The following TMEM145 variants were observed in gnomAD, a reference collection of about 807,000 sequenced individuals.
TMEM145 encodes the protein transmembrane protein 145.
In TMEM145, 46 loss-of-function variants were observed where a neutral mutation model predicts 68.5. That is an observed-to-expected ratio of 0.67 (90% CI 0.53 to 0.86). The LOEUF is 0.86. Among genes scored for constraint, TMEM145 ranks in the 40% least tolerant of loss-of-function variants. The probability of loss-of-function intolerance (pLI) is 0.00; values close to 1 mark genes in which losing one functional copy is unlikely to be tolerated. For synonymous variants in TMEM145, 255 were observed against 280.2 expected, an observed-to-expected ratio of 0.91 and a Z score of 0.90; for missense variants, 570 against 645.8, an observed-to-expected ratio of 0.88 and a Z score of 1.27.
intron 1 of TMEM145, 103 bp from the exon 2 acceptor site, chr19:42,314,169 G>T: frequency 2.4e-6 from 3 of 1,248,104 alleles, no homozygotes; most frequent in East Asian, 2.3e-5. Flanking sequence ...TCTAGTACTT[G>T]GGAAGCCAGG....
rs111303064 is a variant in TMEM145 at position 42,323,628 on chromosome 19, G to A, written c.1240G>A (p.Val414Met). ...GGCCAACAAGAACTTCCCGTACCACGTGCGCACGTCGCAGATCGCTTCAGC... is the reference window on the plus strand; with the variant it reads ...GGCCAACAAGAACTTCCCGTACCACATGCGCACGTCGCAGATCGCTTCAGC... ...SAANKNFPYHVRTSQIASAGV... is the reference protein window; with the variant it reads ...SAANKNFPYHMRTSQIASAGV... Residue 414 changes from valine (V) to methionine (M), a missense_variant, in exon 14 of 15, where the codon GTG (valine) becomes ATG (methionine). Physicochemically the swap from Val to Met is conservative, Grantham distance 21. Coordinates refer to ENST00000301204, the MANE Select transcript of TMEM145 (RefSeq NM_173633.3). 1.2e-6 allele frequency: 2 copies of A among 1,614,046 alleles called. No homozygotes were observed. Among genetic ancestry groups the A allele is most frequent in the Admixed American group, 1.7e-5 (1 of 60,000 alleles).
chr19:42,318,439 A>G (rs892436356), intron 12 of TMEM145, among the ~76,000 whole-genome samples: 33 of 150,426 alleles, frequency 2.2e-4, no homozygotes, highest in African/African-American at 8.1e-4. Context: ...TAATCCCATC[A>G]CTTTGGGAGG....
intron 12 of TMEM145, among the ~76,000 whole-genome samples, chr19:42,319,151 C>T (rs755182791): frequency 3.3e-5 from 5 of 152,116 alleles, no homozygotes; most frequent in Admixed American, 1.3e-4. Context: ...TAATTATTAT[C>T]GTTCACCATA....
intron 6 of TMEM145, 54 bp from the exon 7 acceptor site, chr19:42,315,134 C>T: frequency 1.2e-6 from 2 of 1,614,164 alleles, no homozygotes; most frequent in Admixed American, 1.7e-5. Flanking sequence ...AGCTGGGTGC[C>T]CACTGAGGGG....
In TMEM145 at chr19:42,315,333, T is replaced by C. The variant is rs899809740; in HGVS notation, c.578-39T>C. On this transcript the variant is annotated intron_variant, in intron 7 of 14. Coordinates refer to ENST00000301204, the MANE Select transcript of TMEM145 (RefSeq NM_173633.3). ...TTGGGGGAGGTGAGCTGCTCTCCCT[T>C]TCTGCCTGTGGACAGCCTTTCCCTA... 10 of 1,613,948 alleles carry C rather than the reference T, an allele frequency of 6.2e-6. No homozygotes were observed. In the African/African-American group the frequency reaches 1.3e-4, roughly 22 times the overall value.
At chr19:42,323,886 C>T in intron 14 of TMEM145, 97 bp downstream of exon 14, 2 of 1,088,710 alleles carry the variant, frequency 1.8e-6, no homozygotes, top group Non-Finnish European at 2.6e-6. Context: ...AGCGCCCGGA[C>T]CCCTGAGCCC....
intron 8 of TMEM145, 116 bp downstream of exon 8, chr19:42,315,556 G>C: frequency 1.8e-6 from 2 of 1,140,158 alleles, no homozygotes; most frequent in African/African-American, 3.1e-5. Context: ...GGGAGGAGGG[G>C]CTGGGGGCCT....
At chr19:42,324,091 C>T (rs1251594071) in intron 14 of TMEM145, among the ~76,000 whole-genome samples, 1 of 151,908 alleles carries the variant, frequency 6.6e-6, no homozygotes, top group East Asian at 1.9e-4. Context: ...GCCCCGCGCG[C>T]CCCGACGCCG....
At chr19:42,317,972 G>GGTCT in intron 12 of TMEM145, 91 bp downstream of exon 12, 1 of 1,397,958 alleles carries the variant, frequency 7.2e-7, no homozygotes, top group Non-Finnish European at 9.9e-7. Flanking sequence ...CCATAGTGAG[G>GGTCT]GAGATGGACT....
At chr19:42,322,417 G>T (rs2038919538) in intron 13 of TMEM145, among the ~76,000 whole-genome samples, 1 of 152,166 alleles carries the variant, frequency 6.6e-6, no homozygotes, top group African/African-American at 2.4e-5. Flanking sequence ...CCCAGAGGCG[G>T]GATGCAGGCT....
chr19:42,314,062 C>G (rs2038829186), intron 1 of TMEM145, among the ~76,000 whole-genome samples: 1 of 151,596 alleles, frequency 6.6e-6, no homozygotes, highest in Non-Finnish European at 1.5e-5. Flanking sequence ...GGGGAGGAAA[C>G]TTGGGGGGGC....
In TMEM145 at chr19:42,314,675, C is replaced by T. The variant is rs1568546279; in HGVS notation, c.336C>T (p.Thr112=). ...ACAACCAGGTCATCAACCTCACCAC[C>T]CAGTATGCCTGGTCCGGCTGTCAGG... ...PENNQVINLT[T]QYAWSGCQVV... Residue 112 remains threonine, a synonymous_variant, in exon 4 of 15, where the codon ACC becomes ACT. Transcript: ENST00000301204. The T allele has an allele frequency of 6.2e-7, 1 of 1,614,178 alleles. No individual in the cohort carries two copies. Among genetic ancestry groups the T allele is most frequent in the Middle Eastern group, 1.6e-4 (1 of 6,062 alleles).
rs769561654 is a variant in TMEM145 at position 42,314,988 on chromosome 19, CA to C, written c.421-4del. The C allele has an allele frequency of 1.1e-5, 17 of 1,614,050 alleles. No homozygotes were observed. Among genetic ancestry groups the C allele is most frequent in the Non-Finnish European group, 1.4e-5 (16 of 1,180,012 alleles). On this transcript the variant is annotated splice_polypyrimidine_tract_variant and splice_region_variant and intron_variant, in intron 5 of 14. Transcript: ENST00000301204. ...GCCCCCCTTAGGCCTCCCTACCCCC[CA>C]CAGGGTGATGGATTGCAGCTGGAGT...
chr19:42,317,701 G>T lies in TMEM145; in HGVS notation c.901-8G>T. The T allele has an allele frequency of 2.5e-6, 4 of 1,613,874 alleles. No individual in the cohort carries two copies. The highest frequency in any genetic ancestry group is 3.4e-6 in the Non-Finnish European group (4 of 1,179,836). On this transcript the variant is annotated splice_polypyrimidine_tract_variant and splice_region_variant and intron_variant, in intron 11 of 14. Coordinates refer to ENST00000301204, the MANE Select transcript of TMEM145 (RefSeq NM_173633.3). ...CAGGCTGTGATGGACCCTCTCCTGCGGGTCTAGTTCTTTGACCCAGGCCAG... is the reference window on the plus strand; with the variant it reads ...CAGGCTGTGATGGACCCTCTCCTGCTGGTCTAGTTCTTTGACCCAGGCCAG...
At chr19:42,318,211 CA>C (rs1313263303) in intron 12 of TMEM145, among the ~76,000 whole-genome samples, 1 of 150,192 alleles carries the variant, frequency 6.7e-6, no homozygotes, top group Non-Finnish European at 1.5e-5. Context: ...ACTAAAAATA[CA>C]AAAAAATTAG....
At chr19:42,323,940 G>A in intron 14 of TMEM145, 151 bp downstream of exon 14, 1 of 700,734 alleles carries the variant, frequency 1.4e-6, no homozygotes, top group Non-Finnish European at 2.2e-6. Context: ...ACCGCGCCGC[G>A]ACCGTCCCCT....
At position 42,315,459 on chromosome 19, in the gene TMEM145, A is replaced by T. The variant is rs972532545; in HGVS notation, c.646+19A>T. 6.2e-7 allele frequency: 1 copy of T among 1,613,840 alleles called. No homozygotes were observed. The highest frequency in any genetic ancestry group is 1.7e-5 in the Admixed American group (1 of 60,002). On this transcript the variant is annotated intron_variant, in intron 8 of 14. Coordinates refer to ENST00000301204, the MANE Select transcript of TMEM145 (RefSeq NM_173633.3). Reference sequence around the variant, plus strand: ...GTAGAGGGTGAGGTTCCGTGTCCCAACTTTTGGGTTCTGAAAGAGAAGGCA... The same window carrying T: ...GTAGAGGGTGAGGTTCCGTGTCCCATCTTTTGGGTTCTGAAAGAGAAGGCA...
chr19:42,324,594 A>G, intron 14 of TMEM145, 143 bp from the exon 15 acceptor site: 1 of 1,357,696 alleles, frequency 7.4e-7, no homozygotes, highest in Non-Finnish European at 9.4e-7. Context: ...CCCCTGCTTT[A>G]TCCCGGCCCG....
rs771454349 is a variant in TMEM145 at position 42,320,375 on chromosome 19, C to T, written c.1132C>T (p.Arg378Trp). The T allele has an allele frequency of 3.1e-6, 5 of 1,614,004 alleles. No homozygotes were observed. Among genetic ancestry groups the T allele is most frequent in the African/African-American group, 1.3e-5 (1 of 74,916 alleles). ...IANFGIPKWA[R>W]EKIVNGIQLG... ...CAATTTCGGCATCCCCAAGTGGGCC[C>T]GGGAGAAGATTGTCAATGGCATCCA... Residue 378 changes from arginine (R) to tryptophan (W), a missense_variant, in exon 13 of 15, where the codon CGG becomes TGG. Coordinates refer to ENST00000301204, the MANE Select transcript of TMEM145 (RefSeq NM_173633.3).
Sources: gnomAD v4.1 joint callset for allele counts (sites outside exome capture counted in the v4.1 genomes callset) on GRCh38, gnomAD v4.1.1 for gene constraint, MANE v1.5 for transcripts, NCBI Gene and HGNC (gene_info 2026-07-23, HGNC 2026-07-21) for gene names.